Variants in SGCZ observed in about 807,000 individuals in gnomAD.
SGCZ encodes the protein zeta-sarcoglycan.
A neutral mutation model predicts 41.3 loss-of-function variants in SGCZ; 40 were observed. The ratio of observed to expected loss-of-function variants is 0.97; its 90% CI spans 0.75 to 1.26. The LOEUF (loss-of-function observed/expected upper bound fraction) is 1.26. SGCZ is among the 50% of genes most tolerant of loss of function. SGCZ has a pLI of 0.00. For missense variants in SGCZ, 552 were observed against 369.8 expected (o/e 1.49, Z -4.04); for synonymous variants, 206 against 137.5 (o/e 1.50, Z -3.49).
At chr8:15,126,778 T>A (rs911385037) in intron 1 of SGCZ, among the ~76,000 whole-genome samples, 1 of 151,622 alleles carries the variant, frequency 6.6e-6, no homozygotes, top group East Asian at 2.0e-4. Flanking sequence ...TGGCTAAGGA[T>A]GACTGAAGCA....
chr8:15,145,298 A>G (rs1799008010), intron 1 of SGCZ, among the ~76,000 whole-genome samples: 2 of 152,224 alleles, frequency 1.3e-5, no homozygotes, highest in South Asian at 4.1e-4. Flanking sequence ...AAACTAAAAT[A>G]TTATTTGGTA....
intron 4 of SGCZ, among the ~76,000 whole-genome samples, chr8:14,183,302 AC>A (rs1355342671): frequency 8.6e-5 from 13 of 152,014 alleles, no homozygotes; most frequent in African/African-American, 2.7e-4. Flanking sequence ...ACACACACAC[AC>A]ACACACACAG....
At chr8:14,702,872 GATAGATA>G (rs1809204644) in intron 1 of SGCZ, among the ~76,000 whole-genome samples, 1 of 133,042 alleles carries the variant, frequency 7.5e-6, no homozygotes, top group African/African-American at 2.9e-5. Flanking sequence ...TAGATAGATA[GATAGATA>G]GATAAAAAGA....
At chr8:14,794,752 C>T (rs540544152) in intron 1 of SGCZ, among the ~76,000 whole-genome samples, 1 of 152,068 alleles carries the variant, frequency 6.6e-6, no homozygotes, top group African/African-American at 2.4e-5. Flanking sequence ...ATTTTCAGAA[C>T]TTGGTTATAA....
intron 1 of SGCZ, among the ~76,000 whole-genome samples, chr8:14,846,378 T>TA (rs939333900): frequency 5.3e-5 from 8 of 151,368 alleles, no homozygotes; most frequent in African/African-American, 1.2e-4. Context: ...TATATACAAT[T>TA]AAAAAAAATC....
At chr8:14,757,042 A>C (rs556873881) in intron 1 of SGCZ, among the ~76,000 whole-genome samples, 1 of 152,062 alleles carries the variant, frequency 6.6e-6, no homozygotes, top group East Asian at 1.9e-4. Flanking sequence ...TTCCCCACCA[A>C]TATGTCAACT....
intron 3 of SGCZ, among the ~76,000 whole-genome samples, chr8:14,303,919 T>C (rs911049072): frequency 2.6e-5 from 4 of 151,900 alleles, no homozygotes; most frequent in African/African-American, 9.7e-5. Context: ...GCCCAGCTAA[T>C]TTTTCTATTT....
chr8:14,479,949 T>G (rs1801488740), intron 2 of SGCZ, among the ~76,000 whole-genome samples: 1 of 152,138 alleles, frequency 6.6e-6, no homozygotes, highest in African/African-American at 2.4e-5. Context: ...TTCACCATGT[T>G]GGTCAGGCTA....
chr8:14,315,747 T>A (rs1801693497), intron 3 of SGCZ, among the ~76,000 whole-genome samples: 1 of 150,252 alleles, frequency 6.7e-6, no homozygotes. Context: ...ATCAGAAAAA[T>A]GACAATAAGT....
intron 1 of SGCZ, among the ~76,000 whole-genome samples, chr8:14,617,624 T>C (rs553485453): frequency 6.6e-6 from 1 of 152,080 alleles, no homozygotes; most frequent in African/African-American, 2.4e-5. Flanking sequence ...AACAGAGAAC[T>C]AAATGTGGAG....
intron 2 of SGCZ, among the ~76,000 whole-genome samples, chr8:14,475,100 G>C (rs58641124): frequency 2.0e-5 from 3 of 152,042 alleles, no homozygotes; most frequent in African/African-American, 7.2e-5. Flanking sequence ...CATACAAGTA[G>C]ATTCTGATAC....
chr8:14,346,884 T>C (rs1292541468), intron 2 of SGCZ, among the ~76,000 whole-genome samples: 1 of 152,102 alleles, frequency 6.6e-6, no homozygotes. Context: ...CCTTTTTTTC[T>C]TTCCCATCTT....
At chr8:14,521,915 A>G (rs1802802236) in intron 2 of SGCZ, among the ~76,000 whole-genome samples, 1 of 152,112 alleles carries the variant, frequency 6.6e-6, no homozygotes, top group African/African-American at 2.4e-5. Flanking sequence ...GCTGTACGTC[A>G]ATTTAAGGAA....
In SGCZ at chr8:14,805,522, G is replaced by A. The variant is rs368920270; in HGVS notation, c.40-250596C>T. On this transcript the variant is annotated intron_variant, in intron 1 of 7. Transcript: ENST00000382080. ...TGGTAAAGGGATCAATTCAACAAGA[G>A]GAGCTAACCATCCTAAATATATATG... Among the ~76,000 whole-genome samples, 6 of 137,314 alleles carry A rather than the reference G, an allele frequency of 4.4e-5. No homozygotes were observed. The East Asian group carries it at 1.2e-3, about 27-fold the overall frequency. 90.1% of individuals were successfully genotyped at this position (137,314 alleles called of 152,430 possible).
chr8:14,250,730 A>G (rs1799253701), intron 3 of SGCZ, among the ~76,000 whole-genome samples: 2 of 152,136 alleles, frequency 1.3e-5, no homozygotes, highest in Admixed American at 6.5e-5. Context: ...GCCTGACCTG[A>G]CAGAACAGCC....
At chr8:14,426,536 G>C (rs1367839767) in intron 2 of SGCZ, among the ~76,000 whole-genome samples, 1 of 152,122 alleles carries the variant, frequency 6.6e-6, no homozygotes, top group Non-Finnish European at 1.5e-5. Context: ...GACCAGGAGA[G>C]AAATGACGAC....
chr8:14,708,645 T>A (rs1362678784), intron 1 of SGCZ, among the ~76,000 whole-genome samples: 2 of 152,024 alleles, frequency 1.3e-5, no homozygotes, highest in African/African-American at 4.8e-5. Flanking sequence ...TTGAAAAAAA[T>A]TGACACACCA....
At chr8:15,184,689 T>C (rs549704915) in intron 1 of SGCZ, among the ~76,000 whole-genome samples, 10 of 152,262 alleles carry the variant, frequency 6.6e-5, no homozygotes, top group African/African-American at 2.4e-4. Flanking sequence ...CCTGCTTTGG[T>C]GTTCCGGAAG....
intron 4 of SGCZ, among the ~76,000 whole-genome samples, chr8:14,180,708 T>C (rs1804694309): frequency 6.6e-6 from 1 of 152,106 alleles, no homozygotes; most frequent in Admixed American, 6.6e-5. Flanking sequence ...AGGTTTGTCA[T>C]GGCCTTTAAA....
Sources: allele counts gnomAD v4.1 joint callset (sites outside exome capture counted in the v4.1 genomes callset), GRCh38; gene constraint gnomAD v4.1.1; transcripts MANE v1.5; gene names NCBI Gene and HGNC (gene_info 2026-07-23, HGNC 2026-07-21).